ASIC2: variants seen among roughly 807,000 people sequenced by gnomAD.
ASIC2 encodes acid-sensing ion channel 2.
In ASIC2, 25 loss-of-function variants were observed where a neutral mutation model predicts 57.3. The observed-to-expected ratio is 0.44, with a 90% confidence interval of 0.32 to 0.61. The LOEUF is 0.61. Among genes scored for constraint, ASIC2 ranks in the 20% least tolerant of loss-of-function variants. The probability of loss-of-function intolerance (pLI) is 0.06; values close to 1 mark genes in which losing one functional copy is unlikely to be tolerated. For missense variants in ASIC2, 641 were observed against 738.1 expected (o/e 0.87, Z 1.52); for synonymous variants, 319 against 307.5 (o/e 1.04, Z -0.39).
intron 1 of ASIC2, among the ~76,000 whole-genome samples, chr17:33,839,836 G>T (rs553177275): frequency 1.3e-5 from 2 of 152,278 alleles, no homozygotes; most frequent in African/African-American, 4.8e-5. Context: ...CCAGCCTCCA[G>T]CTCCTTTCAG....
intron 1 of ASIC2, among the ~76,000 whole-genome samples, chr17:33,759,864 A>G (rs531568046): frequency 6.6e-6 from 1 of 152,174 alleles, no homozygotes; most frequent in Non-Finnish European, 1.5e-5. Context: ...AAAGGATGGT[A>G]TAGAAAGCCT....
intron 4 of ASIC2, among the ~76,000 whole-genome samples, chr17:33,027,778 GA>G (rs1252343184): frequency 6.6e-6 from 1 of 152,238 alleles, no homozygotes; most frequent in African/African-American, 2.4e-5. Context: ...TTGTTAGTCT[GA>G]CAACAGAGGT....
chr17:33,258,260 T>C (rs1187489645), intron 1 of ASIC2, among the ~76,000 whole-genome samples: 2 of 152,140 alleles, frequency 1.3e-5, no homozygotes, highest in South Asian at 2.1e-4. Flanking sequence ...ACGTTGGGGA[T>C]ATGGGGTCAA....
In ASIC2 at chr17:33,223,349, A is replaced by G. The variant is rs138465735; in HGVS notation, c.708+68059T>C. On this transcript the variant is annotated intron_variant, in intron 1 of 9. Transcript: ENST00000225823. ...AGATGTGTGCAACTATGCCTGGCTA[A>G]TTTTGTATTTTTAGTAGGGACGGGG... 1.7e-3 allele frequency among the ~76,000 whole-genome samples: 258 copies of G among 151,966 alleles called. 2 individuals are homozygous for G. The highest frequency in any genetic ancestry group is 5.5e-3 in the African/African-American group (226 of 41,430).
At chr17:33,055,643 T>C (rs1424553121) in intron 3 of ASIC2, among the ~76,000 whole-genome samples, 2 of 152,196 alleles carry the variant, frequency 1.3e-5, no homozygotes, top group African/African-American at 2.4e-5. Context: ...GTATTTCTAC[T>C]AAGAAACCTC....
chr17:34,134,700 T>C (rs1454818867), intron 1 of ASIC2, among the ~76,000 whole-genome samples: 1 of 152,222 alleles, frequency 6.6e-6, no homozygotes, highest in Non-Finnish European at 1.5e-5. Flanking sequence ...CTCCAGAATC[T>C]GTTTCTATTT....
At chr17:33,015,869 G>T (rs1469558015) in intron 9 of ASIC2, 102 bp downstream of exon 9, 3 of 1,212,568 alleles carry the variant, frequency 2.5e-6, no homozygotes, top group African/African-American at 3.0e-5. Context: ...GGAAAGGTGT[G>T]CAGTGAGTCA....
intron 1 of ASIC2, among the ~76,000 whole-genome samples, chr17:33,170,319 T>G (rs1368657155): frequency 1.3e-5 from 2 of 152,162 alleles, no homozygotes; most frequent in African/African-American, 4.8e-5. Context: ...ATTACTTATA[T>G]TACAAAAAGA....
chr17:33,039,043 G>A (rs1250637615), intron 3 of ASIC2, among the ~76,000 whole-genome samples: 1 of 152,192 alleles, frequency 6.6e-6, no homozygotes, highest in African/African-American at 2.4e-5. Context: ...TGATGAAACT[G>A]CCTAAGAGTA....
chr17:34,107,804 G>C (rs1911115431), intron 1 of ASIC2, among the ~76,000 whole-genome samples: 2 of 152,008 alleles, frequency 1.3e-5, no homozygotes, highest in Non-Finnish European at 2.9e-5. Flanking sequence ...CAGTTTTAGG[G>C]TTCTCTCCTT....
At chr17:33,590,987 G>A (rs1425097590) in intron 1 of ASIC2, among the ~76,000 whole-genome samples, 2 of 152,182 alleles carry the variant, frequency 1.3e-5, no homozygotes, top group African/African-American at 4.8e-5. Context: ...CCAAGACATG[G>A]GGTCTTAGCC....
At chr17:33,117,654 C>G (rs1408965989) in intron 1 of ASIC2, among the ~76,000 whole-genome samples, 1 of 152,204 alleles carries the variant, frequency 6.6e-6, no homozygotes, top group Non-Finnish European at 1.5e-5. Flanking sequence ...AGGCTAAAGG[C>G]AGCTCACTGA....
At chr17:33,748,233 A>T (rs1440340392) in intron 1 of ASIC2, among the ~76,000 whole-genome samples, 1 of 152,076 alleles carries the variant, frequency 6.6e-6, no homozygotes, top group Non-Finnish European at 1.5e-5. Flanking sequence ...TGCTTCCCTG[A>T]TTCCTTGCAG....
At position 33,827,477 on chromosome 17, in the gene ASIC2, G is replaced by A. The variant is rs1319793454; in HGVS notation, c.555+328501C>T. On this transcript the variant is annotated intron_variant, in intron 1 of 9. Transcript: ENST00000359872. The stretch of plus-strand genomic sequence containing the variant: ...CTCCCAAGTAGCTGGGACTACAGGC[G>A]CCCGCCACCATGCCTGGCTATTTTT... Among the ~76,000 whole-genome samples the A allele has an allele frequency of 5.4e-5, 8 of 148,946 alleles. No homozygotes were observed. In the South Asian group the frequency reaches 6.4e-4, roughly 12 times the overall value.
intron 1 of ASIC2, among the ~76,000 whole-genome samples, chr17:34,119,313 A>G (rs913945718): frequency 2.6e-5 from 4 of 152,030 alleles, no homozygotes; most frequent in Non-Finnish European, 4.4e-5. Flanking sequence ...TACCTGAAAA[A>G]GGGGAAAACA....
At chr17:33,999,637 A>G (rs1386564180) in intron 1 of ASIC2, among the ~76,000 whole-genome samples, 1 of 152,182 alleles carries the variant, frequency 6.6e-6, no homozygotes, top group Non-Finnish European at 1.5e-5. Context: ...ACATACAAAA[A>G]TTCTTCACTT....
chr17:34,022,073 G>A (rs556751415), intron 1 of ASIC2, among the ~76,000 whole-genome samples: 97 of 152,220 alleles, frequency 6.4e-4, no homozygotes, highest in African/African-American at 2.2e-3. Flanking sequence ...TCCTGACCTT[G>A]TGATCCGCCC....
At chr17:33,897,441 A>G (rs1915123943) in intron 1 of ASIC2, among the ~76,000 whole-genome samples, 2 of 152,266 alleles carry the variant, frequency 1.3e-5, no homozygotes, top group Admixed American at 1.3e-4. Context: ...TTGTGCACCC[A>G]TAACATAGCA....
chr17:33,433,138 A>T (rs529454386), intron 1 of ASIC2, among the ~76,000 whole-genome samples: 1 of 152,346 alleles, frequency 6.6e-6, no homozygotes, highest in East Asian at 1.9e-4. Context: ...TAGCAAATAC[A>T]TGGAATCAAC....
Sources: gnomAD v4.1 joint callset for allele counts (sites outside exome capture counted in the v4.1 genomes callset) on GRCh38, gnomAD v4.1.1 for gene constraint, MANE v1.5 for transcripts, NCBI Gene and HGNC (gene_info 2026-07-23, HGNC 2026-07-21) for gene names.